Variants in DYNC1I1 observed in about 807,000 individuals in gnomAD.
DYNC1I1 encodes the protein dynein cytoplasmic 1 intermediate chain 1.
In DYNC1I1, 43 loss-of-function variants were observed where a neutral mutation model predicts 86.6. The observed-to-expected ratio is 0.50, with a 90% CI of 0.39 to 0.64. DYNC1I1 has a LOEUF of 0.64. Ranked by LOEUF, DYNC1I1 falls within the 30% of genes least tolerant of loss-of-function variation. The probability of loss-of-function intolerance (pLI) is 0.00; values close to 1 mark genes in which losing one functional copy is unlikely to be tolerated. For missense variants in DYNC1I1, 604 were observed against 788.8 expected (o/e 0.77, Z 2.81); for synonymous variants, 262 against 283.7 (o/e 0.92, Z 0.77).
intron 10 of DYNC1I1, among the ~76,000 whole-genome samples, chr7:96,015,122 T>C (rs774262833): frequency 5.3e-5 from 8 of 152,174 alleles, no homozygotes; most frequent in Non-Finnish European, 1.2e-4. Flanking sequence ...CTATTCTTTG[T>C]ATAAAATCAT....
At chr7:95,795,956 T>A (rs751128454) in intron 1 of DYNC1I1, among the ~76,000 whole-genome samples, 5 of 150,370 alleles carry the variant, frequency 3.3e-5, no homozygotes, top group Non-Finnish European at 5.9e-5. Flanking sequence ...GTTTGCAAAC[T>A]CCTCAGTGAT....
chr7:95,917,769 A>C (rs1047360191), intron 6 of DYNC1I1, among the ~76,000 whole-genome samples: 5 of 152,126 alleles, frequency 3.3e-5, no homozygotes, highest in African/African-American at 1.2e-4. Flanking sequence ...GGCACTGGGC[A>C]CTCGCCGTCC....
intron 6 of DYNC1I1, among the ~76,000 whole-genome samples, chr7:95,930,065 C>T (rs1456340711): frequency 1.3e-5 from 2 of 152,192 alleles, no homozygotes; most frequent in Non-Finnish European, 2.9e-5. Context: ...TTTCAAAGAG[C>T]ATTGACAGAT....
chr7:95,998,633 A>G (rs572926994), intron 10 of DYNC1I1, among the ~76,000 whole-genome samples: 1 of 152,364 alleles, frequency 6.6e-6, no homozygotes, highest in South Asian at 2.1e-4. Context: ...ATAATTTCAA[A>G]ATTAGACAAT....
intron 6 of DYNC1I1, among the ~76,000 whole-genome samples, chr7:95,964,539 G>A (rs1792957600): frequency 6.6e-6 from 1 of 152,142 alleles, no homozygotes; most frequent in African/African-American, 2.4e-5. Flanking sequence ...CCCTTTCCTA[G>A]GCATATGGCA....
chr7:96,058,214 A>G (rs934937701), intron 14 of DYNC1I1, among the ~76,000 whole-genome samples: 2 of 152,202 alleles, frequency 1.3e-5, no homozygotes, highest in South Asian at 2.1e-4. Flanking sequence ...GTTAGATTTT[A>G]TCAATTATTT....
At chr7:95,872,734 C>A (rs7803969) in intron 6 of DYNC1I1, among the ~76,000 whole-genome samples, 1 of 151,930 alleles carries the variant, frequency 6.6e-6, no homozygotes, top group Admixed American at 6.6e-5. Flanking sequence ...CCAAGAATGG[C>A]CAACACTGAC....
intron 10 of DYNC1I1, among the ~76,000 whole-genome samples, chr7:96,013,319 T>C (rs1298868825): frequency 6.6e-6 from 1 of 152,124 alleles, no homozygotes; most frequent in Admixed American, 6.6e-5. Context: ...GCCAAGAAAT[T>C]GATTCTCCCC....
chr7:96,050,328 T>G (rs1789366128), intron 14 of DYNC1I1, among the ~76,000 whole-genome samples: 1 of 152,130 alleles, frequency 6.6e-6, no homozygotes, highest in Admixed American at 6.6e-5. Context: ...ACAATAACAC[T>G]TCACATACTG....
intron 1 of DYNC1I1, among the ~76,000 whole-genome samples, chr7:95,784,839 A>G (rs927407200): frequency 2.6e-5 from 4 of 152,300 alleles, no homozygotes; most frequent in Non-Finnish European, 5.9e-5. Flanking sequence ...ATTTCTACAT[A>G]ATTTTCCTCA....
intron 7 of DYNC1I1, among the ~76,000 whole-genome samples, chr7:95,980,119 C>T (rs969709389): frequency 1.1e-4 from 17 of 152,132 alleles, no homozygotes; most frequent in African/African-American, 4.1e-4. Context: ...CAAGCGAAAA[C>T]ACCCTTCAGT....
intron 6 of DYNC1I1, among the ~76,000 whole-genome samples, chr7:95,897,189 C>G (rs1261176768): frequency 6.6e-6 from 1 of 152,180 alleles, no homozygotes; most frequent in African/African-American, 2.4e-5. Flanking sequence ...TCATTAACAT[C>G]TATCCCCAGG....
In DYNC1I1 at chr7:95,925,509, G is replaced by A. The variant is rs570634477; in HGVS notation, c.491-52003G>A. ...ATTATAGCCTGCCAGCTGTGATTCTGGAAGTTTGGAATAGGTTCCTTCCCG... is the reference window on the plus strand; with the variant it reads ...ATTATAGCCTGCCAGCTGTGATTCTAGAAGTTTGGAATAGGTTCCTTCCCG... On this transcript the variant is annotated intron_variant, in intron 6 of 16. Transcript: ENST00000447467. Among the ~76,000 whole-genome samples, 9 of 152,236 alleles carry A rather than the reference G, an allele frequency of 5.9e-5. No homozygotes were observed. The East Asian group carries it at 1.7e-3, about 29-fold the overall frequency.
At chr7:96,033,931 G>A (rs528198061) in intron 12 of DYNC1I1, among the ~76,000 whole-genome samples, 31 of 152,180 alleles carry the variant, frequency 2.0e-4, no homozygotes, top group African/African-American at 7.5e-4. Flanking sequence ...GATTGCTTAA[G>A]CCCAGGAGTT....
intron 9 of DYNC1I1, among the ~76,000 whole-genome samples, chr7:95,992,941 G>GA (rs111561472): frequency 1.6e-3 from 243 of 151,872 alleles, no homozygotes; most frequent in African/African-American, 5.4e-3. Context: ...TTATTTGTTA[G>GA]AAAAAAAATG....
At chr7:95,928,765 A>G (rs1175430985) in intron 6 of DYNC1I1, among the ~76,000 whole-genome samples, 1 of 152,204 alleles carries the variant, frequency 6.6e-6, no homozygotes, top group Admixed American at 6.5e-5. Context: ...AGTGAGCTTC[A>G]CTAAGCCTCA....
At chr7:95,909,759 G>A (rs1791279408) in intron 6 of DYNC1I1, among the ~76,000 whole-genome samples, 1 of 152,122 alleles carries the variant, frequency 6.6e-6, no homozygotes, top group Non-Finnish European at 1.5e-5. Context: ...GGTGTGACAA[G>A]TTCTTTAACC....
intron 16 of DYNC1I1, among the ~76,000 whole-genome samples, chr7:96,090,157 G>A (rs1790798946): frequency 6.6e-6 from 1 of 152,106 alleles, no homozygotes; most frequent in African/African-American, 2.4e-5. Context: ...GAGGAAAGAA[G>A]GATGATAAGA....
chr7:96,052,747 G>A (rs1021499464), intron 14 of DYNC1I1, among the ~76,000 whole-genome samples: 9 of 152,108 alleles, frequency 5.9e-5, no homozygotes, highest in African/African-American at 9.7e-5. Flanking sequence ...GACAGCTCTC[G>A]GGACAAAATG....
Sources: gnomAD v4.1 joint callset for allele counts (sites outside exome capture counted in the v4.1 genomes callset) on GRCh38, gnomAD v4.1.1 for gene constraint, MANE v1.5 for transcripts, NCBI Gene and HGNC (gene_info 2026-07-23, HGNC 2026-07-21) for gene names.